Variants in PRH1 observed in about 807,000 individuals in gnomAD.
The protein encoded by PRH1 is proline rich protein HaeIII subfamily 1.
Under a neutral mutation model 7.9 loss-of-function variants are expected in PRH1, and 7 were observed. That is an observed-to-expected ratio of 0.89 (90% CI 0.50 to 1.67). PRH1 has a LOEUF of 1.67. PRH1 is among the 40% of genes most tolerant of loss of function. The pLI, the probability that PRH1 is intolerant of heterozygous loss-of-function variation, is 0.00. For missense variants in PRH1, 109 were observed against 223.6 expected (o/e 0.49, Z 3.27); for synonymous variants, 45 against 80.8 (o/e 0.56, Z 2.38).
chr12:10,883,152 C>T (rs1161174158), intron 1 of PRH1, 56 bp from the exon 2 acceptor site: 14 of 1,576,610 alleles, frequency 8.9e-6, no homozygotes, highest in East Asian at 4.5e-5. Flanking sequence ...ATTCAAGGCT[C>T]ATAGTGTTCT....
chr12:10,911,407 A>G (rs1257478016), intron 2 of PRH1, among the ~76,000 whole-genome samples: 1 of 152,206 alleles, frequency 6.6e-6, no homozygotes, highest in Non-Finnish European at 1.5e-5. Context: ...AAATTTAATC[A>G]AAGAGATGTA....
chr12:11,110,203 T>C (rs1432723770), intron 1 of PRH1, among the ~76,000 whole-genome samples: 3 of 152,170 alleles, frequency 2.0e-5, no homozygotes, highest in Admixed American at 1.3e-4. Flanking sequence ...CTGGTGTACC[T>C]GAAAGAGATG....
chr12:10,982,049 A>G (rs560704379), intron 1 of PRH1, among the ~76,000 whole-genome samples: 58 of 152,010 alleles, frequency 3.8e-4, no homozygotes, highest in Middle Eastern at 3.4e-3. Flanking sequence ...CCCATGTCCA[A>G]CCCAAAGGGG....
chr12:11,118,640 G>A (rs1945799550), downstream of PRH1, among the ~76,000 whole-genome samples: 1 of 152,130 alleles, frequency 6.6e-6, no homozygotes, highest in Non-Finnish European at 1.5e-5. Flanking sequence ...TTGTAGCACT[G>A]TTCACAATAG....
At chr12:11,098,247 A>T (rs1945120466) in intron 1 of PRH1, among the ~76,000 whole-genome samples, 1 of 150,142 alleles carries the variant, frequency 6.7e-6, no homozygotes, top group South Asian at 2.2e-4. Context: ...TAAATTCTAT[A>T]TGCACCTAAT....
intron 1 of PRH1, among the ~76,000 whole-genome samples, chr12:11,168,272 GA>G (rs1451505188): frequency 1.5e-3 from 47 of 31,958 alleles, no homozygotes; most frequent in African/African-American, 2.8e-3. Context: ...AAGAAAGAAA[GA>G]AAGAAAGAAA....
chr12:11,142,960 A>G (rs1033662997), intron 1 of PRH1, among the ~76,000 whole-genome samples: 1 of 152,232 alleles, frequency 6.6e-6, no homozygotes, highest in African/African-American at 2.4e-5. Flanking sequence ...GATTACTTCA[A>G]TCAGAAAGAA....
chr12:11,162,835 C>T (rs1349552), intron 1 of PRH1, among the ~76,000 whole-genome samples: 29 of 152,152 alleles, frequency 1.9e-4, no homozygotes, highest in Admixed American at 3.9e-4. Context: ...ATGAAGAATA[C>T]CCCCTGGGCA....
chr12:10,909,153 A>G (rs772910491), intron 2 of PRH1: 2 of 1,614,020 alleles, frequency 1.2e-6, no homozygotes, highest in Non-Finnish European at 1.7e-6. Context: ...TGCCAAGATA[A>G]TGAGGAGTTT....
At chr12:11,057,497 C>G (rs1351200430) in intron 1 of PRH1, among the ~76,000 whole-genome samples, 2 of 152,196 alleles carry the variant, frequency 1.3e-5, no homozygotes, top group Admixed American at 1.3e-4. Flanking sequence ...CAAGTTGAAG[C>G]CTCTGAAATT....
chr12:11,003,514 TTA>T (rs1287521110), intron 1 of PRH1, among the ~76,000 whole-genome samples: 1 of 152,042 alleles, frequency 6.6e-6, no homozygotes, highest in African/African-American at 2.4e-5. Flanking sequence ...TGATAATCAC[TTA>T]TATGTTTCGC....
rs571029040 is a variant in PRH1, at chr12:10,953,250, C to T, written c.-59+20405G>A. Among the ~76,000 whole-genome samples, 8 of 152,038 alleles carry T rather than the reference C, an allele frequency of 5.3e-5. No homozygotes were observed. In the East Asian group the frequency reaches 1.2e-3, roughly 22 times the overall value. ...GTATCTTCTTACCTCCAAATGACCA[C>T]GCTAGTTCCCTCCCATGCTGAAAAG... On this transcript the variant is annotated intron_variant, in intron 2 of 3. Coordinates refer to the PRH1 transcript ENST00000539853.
exon 2 of PRH1, chr12:10,973,665 T>C: frequency 1.3e-6 from 1 of 779,100 alleles, no homozygotes; most frequent in South Asian, 1.3e-5. Flanking sequence ...CTGTGAAAAC[T>C]TCCACTCTTG....
upstream of PRH1, among the ~76,000 whole-genome samples, chr12:10,885,899 C>T (rs1288016698): frequency 2.6e-5 from 4 of 152,266 alleles, 1 homozygote; most frequent in Admixed American, 2.6e-4. Flanking sequence ...TCTGGTATGG[C>T]TCTTCTGAAA....
intron 1 of PRH1, among the ~76,000 whole-genome samples, chr12:11,114,419 A>T (rs188664569): frequency 3.3e-5 from 5 of 152,290 alleles, no homozygotes; most frequent in Non-Finnish European, 1.5e-5. Context: ...AAAACCAAAC[A>T]CCACATTATC....
In PRH1 at chr12:11,014,645, G is replaced by A. The variant is rs138071152; in HGVS notation, c.-126+32375C>T. On this transcript the variant is annotated intron_variant, in intron 1 of 3. Coordinates refer to the PRH1 transcript ENST00000539853. ...CTGTTGTCAGGACTGAGCCAATTCC[G>A]AGAACAAGAATTCAATAATTGAAGG... is the stretch of plus-strand genomic sequence containing the variant. Among the ~76,000 whole-genome samples the A allele has an allele frequency of 5.3e-5, 8 of 152,244 alleles. 1 individual carries two copies. The highest frequency in any genetic ancestry group is 2.6e-4 in the Admixed American group (4 of 15,282).
chr12:10,975,219 C>T (rs1436504774), intron 1 of PRH1, among the ~76,000 whole-genome samples: 8 of 152,192 alleles, frequency 5.3e-5, no homozygotes, highest in Admixed American at 5.2e-4. Context: ...TAACAATGGA[C>T]CTTTTAGTAG....
At position 10,930,510 on chromosome 12, in the gene PRH1, G is replaced by A. The variant is rs548050993; in HGVS notation, c.-59+43145C>T. On this transcript the variant is annotated intron_variant, in intron 2 of 3. Transcript: ENST00000539853. ...ACCACCCTAATGTGGATTAAGAGGAGTTCTAATTAGGAAGCCTTGGGAAGG... is the reference window on the plus strand; with the variant it reads ...ACCACCCTAATGTGGATTAAGAGGAATTCTAATTAGGAAGCCTTGGGAAGG... The A allele has an allele frequency of 2.1e-4, 307 of 1,475,434 alleles. 1 individual carries two copies. In the African/African-American group the frequency reaches 3.7e-3, roughly 18 times the overall value. The allele number at this position is 1,475,434 out of a possible 1,614,324, so 91.4% of individuals were successfully genotyped here.
chr12:10,938,505 T>C (rs903406091), intron 2 of PRH1: 1 of 1,614,056 alleles, frequency 6.2e-7, no homozygotes, highest in African/African-American at 1.3e-5. Flanking sequence ...AGGAAGAAAG[T>C]GATCACACTT....
Sources: allele counts gnomAD v4.1 joint callset (sites outside exome capture counted in the v4.1 genomes callset), GRCh38; gene constraint gnomAD v4.1.1; transcripts MANE v1.5; gene names NCBI Gene and HGNC (gene_info 2026-07-23, HGNC 2026-07-21).